GABPB1: variants seen among roughly 807,000 people sequenced by gnomAD.
GABPB1 encodes GA-binding protein subunit beta-1.
Under a neutral mutation model 45.9 loss-of-function variants are expected in GABPB1, and 15 were observed. The ratio of observed to expected loss-of-function variants is 0.33; its 90% confidence interval spans 0.22 to 0.50. The LOEUF is 0.50. GABPB1 is among the 20% of genes least tolerant of loss of function. GABPB1 has a pLI of 0.98. For synonymous variants in GABPB1, 143 were observed against 154.4 expected (o/e 0.93, Z 0.55); for missense variants, 252 against 457.5 (o/e 0.55, Z 4.10).
intron 2 of GABPB1, among the ~76,000 whole-genome samples, chr15:50,304,980 T>C (rs981291985): frequency 6.6e-6 from 1 of 152,146 alleles, no homozygotes; most frequent in Non-Finnish European, 1.5e-5. Context: ...TTTGCCAAAG[T>C]TGAATCAGGA....
chr15:50,308,458 C>T (rs914958093), intron 2 of GABPB1, among the ~76,000 whole-genome samples: 4 of 152,182 alleles, frequency 2.6e-5, no homozygotes, highest in African/African-American at 9.7e-5. Context: ...ATCTTTGCAG[C>T]ATCACGGCAA....
At chr15:50,334,505 CTTTTTTTTTTTT>C (rs60433481) in intron 1 of GABPB1, among the ~76,000 whole-genome samples, 3 of 109,376 alleles carry the variant, frequency 2.7e-5, no homozygotes, top group Non-Finnish European at 5.5e-5. Context: ...TCTTTTTTTC[CTTTTTTTTTTTT>C]TTTTTTTTTT....
At chr15:50,280,145 C>T (rs945296267) in intron 8 of GABPB1, among the ~76,000 whole-genome samples, 4 of 152,108 alleles carry the variant, frequency 2.6e-5, no homozygotes, top group African/African-American at 9.7e-5. Flanking sequence ...CTTCCAATTA[C>T]ACAAAATGTA....
In GABPB1 at chr15:50,309,819, C is replaced by A. The variant is rs373923156; in HGVS notation, c.1-21G>T. The stretch of plus-strand genomic sequence containing the variant: ...GACATCTAAACAAAACATAGATGAA[C>A]TGAACATCAAAATCTCCATTTATAC... On this transcript the variant is annotated intron_variant, in intron 1 of 8. Coordinates refer to ENST00000380877, the MANE Select transcript of GABPB1 (RefSeq NM_016654.5). The A allele has an allele frequency of 1.5e-5, 21 of 1,394,944 alleles. No homozygotes were observed. In the East Asian group the frequency reaches 1.6e-4, roughly 11 times the overall value. The allele number at this position is 1,394,944 out of a possible 1,614,324, so 86.4% of individuals were successfully genotyped here.
In GABPB1 at chr15:50,291,917, C is replaced by CAAA. The variant is rs1369368939; in HGVS notation, c.698-2252_698-2250dup. Among the ~76,000 whole-genome samples, 601 of 83,374 alleles carry CAAA rather than the reference C, an allele frequency of 7.2e-3. 5 individuals are homozygous for CAAA. Among genetic ancestry groups the CAAA allele is most frequent in the African/African-American group, 0.02 (520 of 26,504 alleles). 54.7% of individuals were successfully genotyped at this position (83,374 alleles called of 152,430 possible). On this transcript the variant is annotated intron_variant, in intron 6 of 8. Transcript: ENST00000380877. ...TGGGTGACAGAGTGAGACTCTGTCTCAAAAAAAAAAAAAAAAAATTCTATC... is the reference window on the plus strand; with the variant it reads ...TGGGTGACAGAGTGAGACTCTGTCTCAAAAAAAAAAAAAAAAAAAAATTCTATC...
At chr15:50,342,410 TAC>T (rs906068030) in intron 1 of GABPB1, among the ~76,000 whole-genome samples, 1 of 152,202 alleles carries the variant, frequency 6.6e-6, no homozygotes, top group Non-Finnish European at 1.5e-5. Context: ...GCTTCTAATA[TAC>T]CACTCAACAG....
In GABPB1 at chr15:50,317,676, G is replaced by A. The variant is rs28451441; in HGVS notation, c.1-7878C>T. On this transcript the variant is annotated intron_variant, in intron 1 of 8. Coordinates refer to ENST00000380877, the MANE Select transcript of GABPB1 (RefSeq NM_016654.5). ...TGTAATCCCAGCACTTTGGGAGGCC[G>A]AGGCGGGTGGATCACGAGGTCAGGA... Among the ~76,000 whole-genome samples the A allele has an allele frequency of 5.6e-3, 846 of 152,136 alleles. 3 individuals carry two copies. The highest frequency in any genetic ancestry group is 7.6e-3 in the Non-Finnish European group (519 of 67,984).
intron 1 of GABPB1, among the ~76,000 whole-genome samples, chr15:50,336,381 A>G (rs1336206495): frequency 4.1e-5 from 6 of 148,014 alleles, no homozygotes; most frequent in Non-Finnish European, 6.0e-5. Context: ...AATTATTTTG[A>G]GATCTTTGAC....
intron 6 of GABPB1, among the ~76,000 whole-genome samples, chr15:50,296,545 T>C (rs1216911697): frequency 6.6e-6 from 1 of 152,198 alleles, no homozygotes; most frequent in Non-Finnish European, 1.5e-5. Context: ...TGGTACATTA[T>C]AGAGGTCACA....
chr15:50,275,758 A>C lies in GABPB1; in HGVS notation c.*2874T>G. 6.6e-6 allele frequency: 1 copy of C among 152,254 alleles called. No individual in the cohort carries two copies. Among genetic ancestry groups the C allele is most frequent in the Non-Finnish European group, 1.5e-5 (1 of 68,050 alleles). 9.4% of individuals were successfully genotyped at this position (152,254 alleles called of 1,614,324 possible). On this transcript the variant is annotated 3_prime_UTR_variant, in exon 9 of 9. Transcript: ENST00000380877. ...CTAAAAGCCAACGAAAACAAATGAC[A>C]TCACAAGTCCTTTTGTGAAGTAATT...
intron 1 of GABPB1, chr15:50,348,966 A>C (rs1047051845): frequency 6.6e-6 from 1 of 152,134 alleles, no homozygotes; most frequent in Non-Finnish European, 1.5e-5. Context: ...ATTGACTTTA[A>C]TTTACCATGC....
intron 1 of GABPB1, chr15:50,351,612 G>A (rs2048827592): frequency 7.0e-6 from 1 of 142,024 alleles, no homozygotes; most frequent in South Asian, 2.3e-4. Flanking sequence ...GGAAAACAGG[G>A]AGGGAAGGAG....
chr15:50,309,600 A>G, intron 2 of GABPB1, 91 bp downstream of exon 2: 1 of 692,128 alleles, frequency 1.4e-6, no homozygotes, highest in Non-Finnish European at 2.5e-6. Context: ...ACTTTTTACC[A>G]CTTATAAACA....
chr15:50,343,233 T>A (rs2141165547), intron 1 of GABPB1, among the ~76,000 whole-genome samples: 1 of 152,062 alleles, frequency 6.6e-6, no homozygotes. Flanking sequence ...TGTCTCCCCA[T>A]CATCTCTTCT....
chr15:50,353,282 AG>A (rs1414286811), intron 1 of GABPB1: 2 of 152,246 alleles, frequency 1.3e-5, no homozygotes, highest in African/African-American at 4.8e-5. Flanking sequence ...CAGTAAAAAA[AG>A]TATGGGAATC....
At chr15:50,336,678 G>A (rs1214314710) in intron 1 of GABPB1, among the ~76,000 whole-genome samples, 6 of 151,906 alleles carry the variant, frequency 3.9e-5, no homozygotes, top group African/African-American at 1.2e-4. Context: ...ACAAGACACT[G>A]TCTCAAAAGC....
chr15:50,315,537 A>G (rs2047293042), intron 1 of GABPB1, among the ~76,000 whole-genome samples: 2 of 152,232 alleles, frequency 1.3e-5, no homozygotes, highest in African/African-American at 4.8e-5. Flanking sequence ...GAAAATACAC[A>G]TGAGATCAAG....
intron 4 of GABPB1, among the ~76,000 whole-genome samples, chr15:50,301,620 A>T (rs2046750279): frequency 6.6e-6 from 1 of 152,158 alleles, no homozygotes; most frequent in Admixed American, 6.5e-5. Flanking sequence ...AAGGTTTTTA[A>T]CAGAACACAG....
At chr15:50,331,877 GTTTT>G (rs869302683) in intron 1 of GABPB1, among the ~76,000 whole-genome samples, 1 of 137,454 alleles carries the variant, frequency 7.3e-6, no homozygotes, top group African/African-American at 2.8e-5. Flanking sequence ...TTTGTTTTTT[GTTTT>G]TTGTTTTTTT....
Sources: gnomAD v4.1 joint callset for allele counts (sites outside exome capture counted in the v4.1 genomes callset) on GRCh38, gnomAD v4.1.1 for gene constraint, MANE v1.5 for transcripts, NCBI Gene and HGNC (gene_info 2026-07-23, HGNC 2026-07-21) for gene names.